The following NTN1 variants were observed in gnomAD, a reference collection of about 807,000 sequenced individuals.
NTN1 encodes the protein netrin 1.
NTN1 carries 11 observed loss-of-function variants against 54.2 expected under a neutral mutation model. The ratio of observed to expected loss-of-function variants is 0.20; its 90% CI spans 0.13 to 0.34. The LOEUF is 0.34. Ranked by LOEUF, NTN1 falls within the 10% of genes least tolerant of loss-of-function variation. The pLI, the probability that NTN1 is intolerant of heterozygous loss-of-function variation, is 1.00. For synonymous variants in NTN1, 371 were observed against 382.0 expected, an observed-to-expected ratio of 0.97 and a Z score of 0.33; for missense variants, 740 against 893.1, an observed-to-expected ratio of 0.83 and a Z score of 2.18.
Position 9,102,509 on chromosome 17 carries a change from T to G in NTN1, c.1019-60304T>G, listed in dbSNP as rs111914880. 4.0e-3 allele frequency among the ~76,000 whole-genome samples: 611 copies of G among 152,324 alleles called. 3 individuals are homozygous for G. Among genetic ancestry groups the G allele is most frequent in the African/African-American group, 0.014 (587 of 41,566 alleles). On this transcript the variant is annotated intron_variant, in intron 2 of 6. Transcript: ENST00000173229. ...ATATCCCCATAACACATGGGGATTA[T>G]GGGAACGACAATTCAAGATGAGATT...
chr17:9,084,092 A>C (rs2092082356), intron 2 of NTN1, among the ~76,000 whole-genome samples: 1 of 152,160 alleles, frequency 6.6e-6, no homozygotes, highest in Non-Finnish European at 1.5e-5. Context: ...TATTTCCAAA[A>C]GGATACAGTT....
At chr17:9,127,314 C>T (rs895024971) in intron 2 of NTN1, among the ~76,000 whole-genome samples, 3 of 151,902 alleles carry the variant, frequency 2.0e-5, no homozygotes, top group Admixed American at 6.6e-5. Context: ...CTGTGGGATC[C>T]GTGTGGAAGG....
chr17:9,233,156 A>G (rs1342449352), intron 6 of NTN1, among the ~76,000 whole-genome samples: 3 of 151,990 alleles, frequency 2.0e-5, no homozygotes, highest in African/African-American at 7.3e-5. Context: ...CGAGCAGCCC[A>G]TAAATCTGCG....
At position 9,239,869 on chromosome 17, in the gene NTN1, C is replaced by T; in HGVS notation, c.1716C>T (p.Ala572=). Residue 572 remains alanine (A), a synonymous_variant, in exon 7 of 7, where the codon GCC becomes GCT. Transcript: ENST00000173229. The surrounding 1 kb of genome is among the most constrained non-coding windows in gnomAD (Gnocchi z 5.2). ...CTCCGGACCAGAGCGGCATCGTGGC[C>T]GATAAAAGCAGCCTGGTGATCCAGT... ...EDSPDQSGIV[A]DKSSLVIQWR... 1.9e-6 allele frequency: 3 copies of T among 1,612,012 alleles called. No homozygotes were observed. The highest frequency in any genetic ancestry group is 2.5e-6 in the Non-Finnish European group (3 of 1,179,526).
chr17:9,003,591 C>T, the NTN1 span, among the ~76,000 whole-genome samples: 1 of 148,606 alleles, frequency 6.7e-6, no homozygotes, highest in African/African-American at 2.4e-5. The surrounding 1 kb of genome is among the most constrained non-coding windows in gnomAD (Gnocchi z 7.4). Flanking sequence ...AAGCCAGCCC[C>T]GGCCCTGCCG....
chr17:9,176,442 C>T (rs1240526832), intron 3 of NTN1: 3 of 152,274 alleles, frequency 2.0e-5, no homozygotes, highest in Non-Finnish European at 4.4e-5. Context: ...ATGCTTTTGA[C>T]TTCCTCTTCC....
At chr17:9,095,706 CT>C (rs1454624269) in intron 2 of NTN1, among the ~76,000 whole-genome samples, 6 of 152,150 alleles carry the variant, frequency 3.9e-5, no homozygotes, top group African/African-American at 1.4e-4. Context: ...ATTTGATCAA[CT>C]TAAAAAATAA....
chr17:9,011,961 C>T, the NTN1 span, among the ~76,000 whole-genome samples: 362 of 152,100 alleles, frequency 2.4e-3, 3 homozygotes, highest in African/African-American at 8.3e-3. Flanking sequence ...GGTCTTTAGT[C>T]AATTAATTTG....
chr17:9,212,168 G>A lies in NTN1; in HGVS notation c.1412-9000G>A, dbSNP rs1344591116. 6.6e-6 allele frequency among the ~76,000 whole-genome samples: 1 copy of A among 152,190 alleles called. No homozygotes were observed. Among genetic ancestry groups the A allele is most frequent in the East Asian group, 1.9e-4 (1 of 5,198 alleles). On this transcript the variant is annotated intron_variant, in intron 5 of 6. Coordinates refer to ENST00000173229, the MANE Select transcript of NTN1 (RefSeq NM_004822.3). The surrounding 1 kb of genome is among the most constrained non-coding windows in gnomAD (Gnocchi z 5.5). ...ATGGGTGGGGGCTAGAGATCTGCCT[G>A]TGGGCCCCAGCTCTCCCTGACAGGT...
At chr17:9,170,991 C>G (rs1431900847) in intron 3 of NTN1, 1 of 152,138 alleles carries the variant, frequency 6.6e-6, no homozygotes, top group Non-Finnish European at 1.5e-5. Flanking sequence ...TCAAATAACC[C>G]AGTTTGGGAT....
At chr17:9,048,410 T>C (rs775064430) in intron 2 of NTN1, among the ~76,000 whole-genome samples, 1 of 152,166 alleles carries the variant, frequency 6.6e-6, no homozygotes, top group Non-Finnish European at 1.5e-5. Context: ...CCTCCAGGCT[T>C]TGTTGTTCCA....
intron 2 of NTN1, among the ~76,000 whole-genome samples, chr17:9,063,364 C>T (rs1322139302): frequency 1.3e-5 from 2 of 152,168 alleles, no homozygotes; most frequent in Non-Finnish European, 2.9e-5. Context: ...TCCCAAAGTG[C>T]AGGGATTACA....
chr17:9,099,298 C>A (rs567878945), intron 2 of NTN1, among the ~76,000 whole-genome samples: 1 of 151,948 alleles, frequency 6.6e-6, no homozygotes, highest in East Asian at 1.9e-4. Flanking sequence ...CCAGCAACTC[C>A]GGAGGCTGAG....
In NTN1 at chr17:9,243,902, G is replaced by A. The variant is rs1329693207; in HGVS notation, c.*3934G>A. On this transcript the variant is annotated 3_prime_UTR_variant, in exon 7 of 7. Transcript: ENST00000173229. ...TCCTTTTTTTTGGGGGGGGGTGGGG[G>A]GTTGGTTAGAGTTGTAATGGACCCA... is the stretch of plus-strand genomic sequence containing the variant. 1 of 149,314 alleles carries A rather than the reference G, an allele frequency of 6.7e-6. No individual in the cohort carries two copies. Among genetic ancestry groups the A allele is most frequent in the African/African-American group, 2.5e-5 (1 of 40,624 alleles). The allele number at this position is 149,314 out of a possible 1,614,324, so 9.2% of individuals were successfully genotyped here.
intron 5 of NTN1, among the ~76,000 whole-genome samples, chr17:9,184,184 C>T (rs1289532715): frequency 6.6e-6 from 1 of 152,210 alleles, no homozygotes; most frequent in Non-Finnish European, 1.5e-5. Flanking sequence ...GCATGGTCCA[C>T]AGCCAGCAAA....
chr17:9,162,759 G>A, intron 2 of NTN1, 54 bp from the exon 3 acceptor site: 1 of 1,531,974 alleles, frequency 6.5e-7, no homozygotes. Context: ...GCTCTTGGGT[G>A]CCTGTCCTCC....
intron 6 of NTN1, among the ~76,000 whole-genome samples, chr17:9,232,170 C>T (rs981984047): frequency 7.2e-5 from 11 of 152,152 alleles, no homozygotes; most frequent in Admixed American, 6.5e-4. Flanking sequence ...GTGTGGAATT[C>T]GGAGGCAGGA....
At chr17:9,188,385 A>C (rs1430935899) in intron 5 of NTN1, among the ~76,000 whole-genome samples, 2 of 149,058 alleles carry the variant, frequency 1.3e-5, no homozygotes, top group Non-Finnish European at 3.0e-5. Flanking sequence ...CTGAGATCAC[A>C]CCATTGGACT....
chr17:9,218,860 A>C (rs778925329), intron 5 of NTN1, among the ~76,000 whole-genome samples: 1 of 151,968 alleles, frequency 6.6e-6, no homozygotes, highest in African/African-American at 2.4e-5. Context: ...GGCCGGTGAA[A>C]GGGATTTCCT....
Sources: allele counts gnomAD v4.1 joint callset (sites outside exome capture counted in the v4.1 genomes callset), GRCh38; gene constraint gnomAD v4.1.1; non-coding constraint Gnocchi (gnomAD v3.1); transcripts MANE v1.5; gene names NCBI Gene and HGNC (gene_info 2026-07-23, HGNC 2026-07-21).